The following PCDHA4 variants were observed in gnomAD, a reference collection of about 807,000 sequenced individuals.
PCDHA4 encodes protocadherin alpha 4.
A neutral mutation model predicts 61.4 loss-of-function variants in PCDHA4; 49 were observed. The observed-to-expected ratio is 0.80, with a 90% CI of 0.63 to 1.01. The LOEUF (loss-of-function observed/expected upper bound fraction) is 1.01. Among genes scored for constraint, PCDHA4 ranks in the 50% least tolerant of loss-of-function variants. The probability of loss-of-function intolerance (pLI) is 0.00; values close to 1 mark genes in which losing one functional copy is unlikely to be tolerated. For synonymous variants in PCDHA4, 590 were observed against 550.3 expected (o/e 1.07, Z -1.01); for missense variants, 1,254 against 1,235.8 (o/e 1.01, Z -0.22).
chr5:140,856,078 C>G, intron 1 of PCDHA4: 18 of 1,594,016 alleles, frequency 1.1e-5, no homozygotes, highest in Non-Finnish European at 1.5e-5. Context: ...GCCTGGGGGT[C>G]CAGTGTCTGC....
intron 1 of PCDHA4, among the ~76,000 whole-genome samples, chr5:140,893,506 A>G (rs2064024014): frequency 1.3e-5 from 2 of 152,170 alleles, no homozygotes; most frequent in African/African-American, 4.8e-5. Flanking sequence ...AGAAAAAAAA[A>G]GCAGTTGTAG....
rs546348432 is a variant in PCDHA4, at chr5:141,012,203, T to G, written c.*2266T>G. ...TTATAATGTATCTGTACAGCACTTTTTACATTTGCGAAGTGCTTTCCAATC... is the reference window on the plus strand; with the variant it reads ...TTATAATGTATCTGTACAGCACTTTGTACATTTGCGAAGTGCTTTCCAATC... On this transcript the variant is annotated 3_prime_UTR_variant, in exon 4 of 4. Transcript: ENST00000530339. 2.0e-5 allele frequency: 3 copies of G among 153,792 alleles called. No individual in the cohort carries two copies. The highest frequency in any genetic ancestry group is 4.4e-5 in the Non-Finnish European group (3 of 68,050). The allele number at this position is 153,792 out of a possible 1,614,324, so 9.5% of individuals were successfully genotyped here.
In PCDHA4 at chr5:140,882,891, A is replaced by T. The variant is rs782750187; in HGVS notation, c.2385+73319A>T. 1 of 1,614,230 alleles carries T rather than the reference A, an allele frequency of 6.2e-7. No individual in the cohort carries two copies. The highest frequency in any genetic ancestry group is 8.5e-7 in the Non-Finnish European group (1 of 1,180,042). On this transcript the variant is annotated intron_variant, in intron 1 of 3. Transcript: ENST00000530339. ...CTGGACAGAGAGGAAATTCAGGAAC[A>T]TAGTTTATTACTGACAGCCAGTGAT...
chr5:140,855,873 A>G lies in PCDHA4; in HGVS notation c.2385+46301A>G. ...ACCGGATGTCGCTGTCGTCCACAAAATAGCTTTTTAGAACAAAGGCATCAG... is the reference window on the plus strand; with the variant it reads ...ACCGGATGTCGCTGTCGTCCACAAAGTAGCTTTTTAGAACAAAGGCATCAG... On this transcript the variant is annotated intron_variant, in intron 1 of 3. Coordinates refer to ENST00000530339, the MANE Select transcript of PCDHA4 (RefSeq NM_018907.4). The G allele has an allele frequency of 2.3e-6, 2 of 864,574 alleles. 1 individual carries two copies. Among genetic ancestry groups the G allele is most frequent in the South Asian group, 4.1e-5 (2 of 49,350 alleles). The allele number at this position is 864,574 out of a possible 1,614,324, so 53.6% of individuals were successfully genotyped here.
chr5:140,873,262 G>A (rs1196053156), intron 1 of PCDHA4, among the ~76,000 whole-genome samples: 2 of 152,136 alleles, frequency 1.3e-5, no homozygotes, highest in Non-Finnish European at 2.9e-5. Context: ...ACTCAAAAGT[G>A]ATTAAACCAT....
intron 3 of PCDHA4, among the ~76,000 whole-genome samples, chr5:141,008,307 G>A (rs1212029861): frequency 2.0e-5 from 3 of 152,176 alleles, no homozygotes; most frequent in Admixed American, 1.3e-4. Context: ...ACCCTAAACT[G>A]TAATTGAACA....
At chr5:140,907,381 G>T (rs2073350294) in intron 1 of PCDHA4, among the ~76,000 whole-genome samples, 1 of 152,180 alleles carries the variant, frequency 6.6e-6, no homozygotes, top group African/African-American at 2.4e-5. Context: ...TGAGTGCCTT[G>T]GTCAAAGGCA....
rs2150217412 is a variant in PCDHA4, at chr5:140,834,416, C to T, written c.2385+24844C>T. 4.3e-6 allele frequency: 7 copies of T among 1,611,040 alleles called. No individual in the cohort carries two copies. In the East Asian group the frequency reaches 1.1e-4, roughly 26 times the overall value. The stretch of plus-strand genomic sequence containing the variant: ...GCCCGAATGGATACGACCCAGGGGG[C>T]CGACATCTACTGCTGTTTATTATAA... On this transcript the variant is annotated intron_variant, in intron 1 of 3. Transcript: ENST00000530339.
intron 1 of PCDHA4, among the ~76,000 whole-genome samples, chr5:140,902,102 GA>G (rs782818661): frequency 1.3e-5 from 2 of 151,098 alleles, no homozygotes; most frequent in Non-Finnish European, 2.9e-5. Context: ...GGAGTCTTTA[GA>G]TTTTTTTAAA....
intron 1 of PCDHA4, chr5:140,810,242 C>T (rs78416157): frequency 6.6e-6 from 1 of 152,216 alleles, no homozygotes; most frequent in Non-Finnish European, 1.5e-5. Flanking sequence ...TTCTACTGTT[C>T]AGGAATTTGC....
intron 1 of PCDHA4, among the ~76,000 whole-genome samples, chr5:140,924,907 A>T (rs538089373): frequency 0.035 from 1,776 of 50,942 alleles, 16 homozygotes; most frequent in Non-Finnish European, 0.042. Context: ...AAAAAAAAAT[A>T]AAATAAAATA....
rs782131708 is a variant in PCDHA4, at chr5:140,869,055, G to A, written c.2385+59483G>A. The A allele has an allele frequency of 1.9e-6, 3 of 1,547,114 alleles. No homozygotes were observed. In the South Asian group the frequency reaches 3.8e-5, roughly 20 times the overall value. ...TTTTTAACCTGAAACTGAAGAATCTGGTACTGTAAGTGTAAAGAAGCTTAT... is the reference window on the plus strand; with the variant it reads ...TTTTTAACCTGAAACTGAAGAATCTAGTACTGTAAGTGTAAAGAAGCTTAT... On this transcript the variant is annotated intron_variant, in intron 1 of 3. Coordinates refer to ENST00000530339, the MANE Select transcript of PCDHA4 (RefSeq NM_018907.4).
intron 1 of PCDHA4, chr5:140,828,383 C>G: frequency 6.2e-7 from 1 of 1,614,256 alleles, no homozygotes; most frequent in South Asian, 1.1e-5. Context: ...GCTGTGCGGG[C>G]GGAGCGCGGA....
intron 1 of PCDHA4, among the ~76,000 whole-genome samples, chr5:140,827,565 CTA>C (rs1769331404): frequency 6.6e-6 from 1 of 152,156 alleles, no homozygotes; most frequent in Non-Finnish European, 1.5e-5. Context: ...CCCTAGAGCA[CTA>C]TATAATAGCA....
At chr5:140,929,663 G>A (rs1284467278) in intron 1 of PCDHA4, 1 of 336,002 alleles carries the variant, frequency 3.0e-6, no homozygotes, top group African/African-American at 2.1e-5. Context: ...TATTTAAAGT[G>A]AAGAATGAAA....
intron 1 of PCDHA4, chr5:140,868,996 G>T: frequency 6.6e-7 from 1 of 1,516,608 alleles, no homozygotes; most frequent in South Asian, 1.4e-5. Flanking sequence ...CACCGTTTAA[G>T]GATCCTTTGA....
intron 1 of PCDHA4, chr5:140,857,725 C>T: frequency 6.3e-7 from 1 of 1,597,502 alleles, no homozygotes; most frequent in Non-Finnish European, 8.6e-7. Context: ...ACGAGAACGA[C>T]AACGCTCCCG....
At chr5:140,873,161 C>G (rs946054760) in intron 1 of PCDHA4, among the ~76,000 whole-genome samples, 2 of 152,012 alleles carry the variant, frequency 1.3e-5, no homozygotes, top group South Asian at 2.1e-4. Context: ...GACTTTAGAT[C>G]GAGAGCTTTT....
intron 1 of PCDHA4, chr5:140,882,203 TGA>T: frequency 6.5e-7 from 1 of 1,530,090 alleles, no homozygotes; most frequent in Non-Finnish European, 8.8e-7. Flanking sequence ...AATTGGGCCT[TGA>T]GAGACAGTTT....
Sources: allele counts gnomAD v4.1 joint callset (sites outside exome capture counted in the v4.1 genomes callset), GRCh38; gene constraint gnomAD v4.1.1; transcripts MANE v1.5; gene names NCBI Gene and HGNC (gene_info 2026-07-23, HGNC 2026-07-21).